Variants in C11orf16 observed in about 807,000 individuals in gnomAD.
C11orf16 encodes uncharacterized protein C11orf16.
Under a neutral mutation model 45.1 loss-of-function variants are expected in C11orf16, and 38 were observed. That is an observed-to-expected ratio of 0.84 (90% confidence interval 0.65 to 1.10). The LOEUF is 1.10. Ranked by LOEUF, C11orf16 falls within the 50% of genes least tolerant of loss-of-function variation. C11orf16 has a pLI of 0.00. For synonymous variants in C11orf16, 221 were observed against 222.0 expected, an observed-to-expected ratio of 1.00 and a Z score of 0.04; for missense variants, 583 against 569.5, an observed-to-expected ratio of 1.02 and a Z score of -0.24.
rs2064618485 is a variant in C11orf16 at position 8,926,983 on chromosome 11, A to T, written c.516T>A (p.Pro172=). The change falls in exon 4 of 7, where the codon CCT becomes CCA. Residue 172 remains proline (P), a synonymous_variant. Coordinates refer to ENST00000326053, the MANE Select transcript of C11orf16 (RefSeq NM_020643.3). ...TCTCCAAGCCCAAAAGAACAGTGCC[A>T]GGGCCATACTGCTGTTGGCCTGGCT... is the stretch of plus-strand genomic sequence containing the variant. ...LWEPGQQQYG[P]GTVLLGLEMR... is the part of the protein sequence containing the mutation. 2 of 1,614,092 alleles carry T rather than the reference A, an allele frequency of 1.2e-6. No individual in the cohort carries two copies. Among genetic ancestry groups the T allele is most frequent in the Admixed American group, 3.3e-5 (2 of 60,020 alleles).
In C11orf16 at chr11:8,925,597, T is replaced by C. The variant is rs2064604410; in HGVS notation, c.1070A>G (p.Gln357Arg). ...VENDLEMGPP[Q>R]RLMVNSAVNT... is the part of the protein sequence containing the mutation. ...GACTGCACTGTTCACCATCAGTCTC[T>C]GGGGAGGGCCCATCTCCAGATCATT... is the stretch of plus-strand genomic sequence containing the variant. The change falls in exon 5 of 7, where the codon CAG becomes CGG. Residue 357 changes from glutamine to arginine, a missense_variant. By Grantham distance (43) the Gln-to-Arg change is conservative. Transcript: ENST00000326053. 1.2e-6 allele frequency: 2 copies of C among 1,614,136 alleles called. No homozygotes were observed.
At chr11:8,926,172 CTTTTTTTCTTTTCT>C in intron 4 of C11orf16, 65 bp from the exon 5 acceptor site, 2 of 1,057,548 alleles carry the variant, frequency 1.9e-6, no homozygotes, top group Non-Finnish European at 2.6e-6. Flanking sequence ...TTTCTTTTTT[CTTTTTTTCTTTTCT>C]TTTTTTTTTT....
intron 3 of C11orf16, chr11:8,929,077 G>A (rs948452739): frequency 6.8e-6 from 2 of 295,654 alleles, no homozygotes; most frequent in Admixed American, 4.7e-5. Context: ...GCATGGGAAT[G>A]ATTCTTCTTC....
In C11orf16 at chr11:8,932,175, G is replaced by T. The variant is rs775441969; in HGVS notation, c.134C>A (p.Ala45Glu). The T allele has an allele frequency of 1.9e-6, 3 of 1,589,550 alleles. No homozygotes were observed. The African/African-American group carries it at 4.0e-5, about 21-fold the overall frequency. The change falls in exon 2 of 7, where the codon GCA (alanine) becomes GAA (glutamate). Residue 45 changes from alanine to glutamate, a missense_variant. Ala to Glu is a moderately radical substitution (Grantham distance 107, BLOSUM62 -1). Coordinates refer to ENST00000326053, the MANE Select transcript of C11orf16 (RefSeq NM_020643.3). Reference protein sequence around the residue: ...LSFTYPFALQAPWLTGHKPLA... With the variant: ...LSFTYPFALQEPWLTGHKPLA... ...GGGCTTGTGCCCGGTGAGCCAGGGT[G>T]CTTGGAGGGCAAAGGGGTAGGTGAA... is the stretch of plus-strand genomic sequence containing the variant.
rs550395699 is a variant in C11orf16, at chr11:8,920,718, C to T, written c.*23-268G>A. On this transcript the variant is annotated intron_variant, in intron 6 of 6. Coordinates refer to ENST00000326053, the MANE Select transcript of C11orf16 (RefSeq NM_020643.3). ...TGCCTAGCTACTCAGGTCCTAGCTACTCAGGAGGCTCAGGTGGGCGGCTCA... is the reference window on the plus strand; with the variant it reads ...TGCCTAGCTACTCAGGTCCTAGCTATTCAGGAGGCTCAGGTGGGCGGCTCA... Among the ~76,000 whole-genome samples the T allele has an allele frequency of 2.0e-5, 3 of 152,274 alleles. No individual in the cohort carries two copies. In the South Asian group the frequency reaches 6.2e-4, roughly 32 times the overall value.
At chr11:8,931,607 C>T (rs1319593517) in intron 2 of C11orf16, among the ~76,000 whole-genome samples, 1 of 152,136 alleles carries the variant, frequency 6.6e-6, no homozygotes, top group Non-Finnish European at 1.5e-5. Context: ...CCACGCTGGT[C>T]TCGAACTCCT....
In C11orf16 at chr11:8,921,404, T is replaced by G; in HGVS notation, c.1316A>C (p.Lys439Thr). ...TTCCCCTGGCGGGGTCCGCGGTGGC[T>G]TCATGTGGGTTGCTTTCGAGACCAG... ...KELVSKATHM[K>T]PPRTPPGEAE... Residue 439 changes from lysine (K) to threonine (T), a missense_variant, in exon 6 of 7, where the codon AAG becomes ACG. Transcript: ENST00000326053. 1 of 1,614,226 alleles carries G rather than the reference T, an allele frequency of 6.2e-7. No individual in the cohort carries two copies. Among genetic ancestry groups the G allele is most frequent in the Admixed American group, 1.7e-5 (1 of 60,022 alleles).
At chr11:8,923,470 A>G (rs944375798) in intron 5 of C11orf16, among the ~76,000 whole-genome samples, 1 of 152,170 alleles carries the variant, frequency 6.6e-6, no homozygotes, top group Admixed American at 6.5e-5. Flanking sequence ...AGAATTTAGC[A>G]TGAAAACTCT....
At position 8,925,444 on chromosome 11, in the gene C11orf16, G is replaced by T; in HGVS notation, c.1204+19C>A. The stretch of plus-strand genomic sequence containing the variant: ...CCCCAGCCCCTGCCTTAGAAAGCAA[G>T]CCCACTCCCCTGGTATACCTGGCTT... On this transcript the variant is annotated intron_variant, in intron 5 of 6. Coordinates refer to ENST00000326053, the MANE Select transcript of C11orf16 (RefSeq NM_020643.3). 6.2e-7 allele frequency: 1 copy of T among 1,601,074 alleles called. No individual in the cohort carries two copies. The highest frequency in any genetic ancestry group is 8.5e-7 in the Non-Finnish European group (1 of 1,173,012).
intron 4 of C11orf16, among the ~76,000 whole-genome samples, chr11:8,926,353 A>G (rs1338941234): frequency 6.6e-6 from 1 of 151,466 alleles, no homozygotes; most frequent in Admixed American, 6.6e-5. Context: ...CTACCCACAC[A>G]GGCAAAGGCA....
At position 8,927,671 on chromosome 11, in the gene C11orf16, C is replaced by A. The variant is rs376829798; in HGVS notation, c.325-497G>T. On this transcript the variant is annotated intron_variant, in intron 3 of 6. Coordinates refer to ENST00000326053, the MANE Select transcript of C11orf16 (RefSeq NM_020643.3). ...GAGCGATTGTGGCCACAGAGCTGCC[C>A]TCAGCACTGCCCTTGCAGTCAACGA... The A allele has an allele frequency of 9.0e-5, 41 of 456,508 alleles. No homozygotes were observed. In the East Asian group the frequency reaches 1.3e-3, roughly 15 times the overall value. The allele number at this position is 456,508 out of a possible 1,614,324, so 28.3% of individuals were successfully genotyped here. A position where few individuals can be genotyped will look rare whatever the true frequency, so the allele number is the denominator to read the frequency against.
chr11:8,928,435 C>G (rs908093027), intron 3 of C11orf16, among the ~76,000 whole-genome samples: 1 of 152,142 alleles, frequency 6.6e-6, no homozygotes, highest in African/African-American at 2.4e-5. Flanking sequence ...ATATCTCGTT[C>G]CACCTTTCCC....
chr11:8,926,047 A>G lies in C11orf16; in HGVS notation c.620T>C (p.Leu207Pro). 6.2e-7 allele frequency: 1 copy of G among 1,614,008 alleles called. No individual in the cohort carries two copies. The highest frequency in any genetic ancestry group is 1.1e-5 in the South Asian group (1 of 91,074). ...CAGGGACACCGACTGGACCCCACCT[A>G]GGGGCACTTTAGCAGCTTTGCCATT... ...FWNGKAAKVPLGGVQSVSLTI... is the reference protein window; with the variant it reads ...FWNGKAAKVPPGGVQSVSLTI... Residue 207 changes from leucine to proline, a missense_variant, in exon 5 of 7, where the codon CTA (leucine) becomes CCA (proline). By Grantham distance (98) the Leu-to-Pro change is moderately conservative. Coordinates refer to ENST00000326053, the MANE Select transcript of C11orf16 (RefSeq NM_020643.3).
At chr11:8,924,078 CAT>C (rs1418655255) in intron 5 of C11orf16, among the ~76,000 whole-genome samples, 1 of 152,016 alleles carries the variant, frequency 6.6e-6, no homozygotes, top group Non-Finnish European at 1.5e-5. Context: ...GAAAAATCCT[CAT>C]ATAAAATCCA....
Position 8,925,598 on chromosome 11 carries a change from G to A in C11orf16, c.1069C>T (p.Gln357Ter), listed in dbSNP as rs769221253. 1.2e-6 allele frequency: 2 copies of A among 1,614,250 alleles called. No individual in the cohort carries two copies. Among genetic ancestry groups the A allele is most frequent in the South Asian group, 2.2e-5 (2 of 91,082 alleles). Residue 357 changes from glutamine (Q) to a stop codon, truncating the protein, a stop_gained, in exon 5 of 7, where the codon CAG becomes TAG. Transcript: ENST00000326053. LOFTEE classifies it high-confidence loss of function. ...ACTGCACTGTTCACCATCAGTCTCTGGGGAGGGCCCATCTCCAGATCATTC... is the reference window on the plus strand; with the variant it reads ...ACTGCACTGTTCACCATCAGTCTCTAGGGAGGGCCCATCTCCAGATCATTC... The part of the protein sequence containing the change: ...VENDLEMGPP[Q>*]RLMVNSAVNT...
Position 8,927,127 on chromosome 11 carries a change from G to C in C11orf16, c.372C>G (p.Val124=). 1 of 1,614,072 alleles carries C rather than the reference G, an allele frequency of 6.2e-7. No homozygotes were observed. ...GCTGGGCTGGCAGCTTTGGGCCTGC[G>C]ACAAGAGGAGCCTCGAATTCCACAA... ...VLLVEFEAPL[V]AGPKLPAQQQ... is the part of the protein sequence containing the mutation. Residue 124 remains valine, a synonymous_variant, in exon 4 of 7, where the codon GTC becomes GTG. Coordinates refer to ENST00000326053, the MANE Select transcript of C11orf16 (RefSeq NM_020643.3).
At chr11:8,931,786 A>G (rs1589936257) in intron 2 of C11orf16, among the ~76,000 whole-genome samples, 3 of 152,160 alleles carry the variant, frequency 2.0e-5, no homozygotes, top group Admixed American at 1.3e-4. Context: ...TCGGCCTTCC[A>G]AAGTGCTGGG....
rs1316041932 is a variant in C11orf16 at position 8,925,552 on chromosome 11, A to G, written c.1115T>C (p.Leu372Pro). Residue 372 changes from leucine (L) to proline (P), a missense_variant, in exon 5 of 7, where the codon CTT becomes CCT. Leu to Pro is a moderately conservative substitution (Grantham distance 98). Coordinates refer to ENST00000326053, the MANE Select transcript of C11orf16 (RefSeq NM_020643.3). ...GCCACTCTGTCTCAGAGGCATCTCA[A>G]GAAAGATGGGATCTGTGTTGACTGC... ...NSAVNTDPIF[L>P]EMPLRQSGLC... 1.2e-6 allele frequency: 2 copies of G among 1,614,268 alleles called. No homozygotes were observed. Among genetic ancestry groups the G allele is most frequent in the South Asian group, 1.1e-5 (1 of 91,090 alleles).
intron 6 of C11orf16, 93 bp downstream of exon 6, chr11:8,921,201 G>A: frequency 1.1e-6 from 1 of 948,382 alleles, no homozygotes; most frequent in Non-Finnish European, 1.6e-6. Flanking sequence ...AGGGGTCATA[G>A]GTTTTACTGT....
Sources: allele counts gnomAD v4.1 joint callset (sites outside exome capture counted in the v4.1 genomes callset), GRCh38; gene constraint gnomAD v4.1.1; transcripts MANE v1.5; gene names NCBI Gene and HGNC (gene_info 2026-07-23, HGNC 2026-07-21).